Variants in CDC16 observed in about 807,000 individuals in gnomAD.
CDC16 encodes the protein cell division cycle protein 16 homolog.
A neutral mutation model predicts 87.0 loss-of-function variants in CDC16; 34 were observed. The ratio of observed to expected loss-of-function variants is 0.39; its 90% CI spans 0.30 to 0.52. CDC16 has a LOEUF of 0.52. Ranked by LOEUF, CDC16 falls within the 20% of genes least tolerant of loss-of-function variation. The probability of loss-of-function intolerance (pLI) is 0.74; values close to 1 mark genes in which losing one functional copy is unlikely to be tolerated. For synonymous variants in CDC16, 263 were observed against 260.6 expected, an observed-to-expected ratio of 1.01 and a Z score of -0.09; for missense variants, 653 against 751.9, an observed-to-expected ratio of 0.87 and a Z score of 1.54.
In CDC16 at chr13:114,272,404, CATG is replaced by C. The variant is rs1487614437; in HGVS notation, c.1828_1830del (p.Met610del). On this transcript the variant is annotated inframe_deletion, in exon 18 of 18. Coordinates refer to ENST00000356221, the MANE Select transcript of CDC16 (RefSeq NM_001078645.3). ...TTGAAATTGAAATGAATGAAAGTGA[CATG>C]ATGTTAGAGACATCTATGTCAGACC... 2 of 1,613,926 alleles carry C rather than the reference CATG, an allele frequency of 1.2e-6. No individual in the cohort carries two copies. Among genetic ancestry groups the C allele is most frequent in the South Asian group, 1.1e-5 (1 of 91,074 alleles).
rs1555352344 is a variant in CDC16, at chr13:114,234,974, G to GGGTGGC, written c.-109_-108insTGGCGG. 1.4e-5 allele frequency: 11 copies of GGGTGGC among 778,534 alleles called. No individual in the cohort carries two copies. The highest frequency in any genetic ancestry group is 1.1e-4 in the South Asian group (2 of 18,470). The allele number at this position is 778,534 out of a possible 1,614,324, so 48.2% of individuals were successfully genotyped here. A position where few individuals can be genotyped will look rare whatever the true frequency, so the allele number is the denominator to read the frequency against. ...TCGAGTCCGCGGCCTTCGAGTCCTG[G>GGGTGGC]GGCGGCGGCGGCGGCTGCAGGCACG... On this transcript the variant is annotated 5_prime_UTR_variant, in exon 1 of 18. Transcript: ENST00000356221.
intron 16 of CDC16, chr13:114,264,303 A>G (rs17291515): frequency 0.33 from 49,870 of 152,226 alleles, 10,397 homozygotes; most frequent in African/African-American, 0.6. Context: ...ATCCCAGCAC[A>G]TTGGGAGGCC....
chr13:114,237,859 A>G (rs1265111312), intron 3 of CDC16, among the ~76,000 whole-genome samples: 3 of 152,136 alleles, frequency 2.0e-5, no homozygotes, highest in African/African-American at 4.8e-5. Flanking sequence ...CTTGTGAACT[A>G]TTACAGGAGT....
chr13:114,262,040 C>G (rs1412286686), intron 15 of CDC16, 92 bp downstream of exon 15: 1 of 723,834 alleles, frequency 1.4e-6, no homozygotes, highest in Non-Finnish European at 2.3e-6. Context: ...TTCATGAGAT[C>G]AACCAGCTTT....
chr13:114,259,131 A>G (rs565230644), intron 13 of CDC16, among the ~76,000 whole-genome samples: 8 of 151,426 alleles, frequency 5.3e-5, no homozygotes, highest in Non-Finnish European at 7.4e-5. Context: ...TAAATACTGT[A>G]TCTCCCAAAA....
intron 5 of CDC16, among the ~76,000 whole-genome samples, chr13:114,240,166 C>T (rs1183324484): frequency 1.3e-5 from 2 of 152,002 alleles, no homozygotes; most frequent in Non-Finnish European, 2.9e-5. Flanking sequence ...AGAAAGAATC[C>T]CTGTAAGCCT....
chr13:114,246,445 C>T (rs1317693001), intron 10 of CDC16, among the ~76,000 whole-genome samples: 1 of 152,152 alleles, frequency 6.6e-6, no homozygotes, highest in Admixed American at 6.5e-5. Flanking sequence ...GTACTGATTC[C>T]AAACTGTCAT....
At position 114,235,167 on chromosome 13, in the gene CDC16, C is replaced by T. The variant is rs1312396813; in HGVS notation, c.48+35C>T. ...CCCGACTCGGGGTGCGGGGCCCAGG[C>T]CTCGCCGGGTCTTTTTCCGCGCGGC... On this transcript the variant is annotated intron_variant, in intron 1 of 17. Transcript: ENST00000356221. The T allele has an allele frequency of 3.3e-6, 4 of 1,229,002 alleles. No homozygotes were observed. The East Asian group carries it at 9.5e-5, about 29-fold the overall frequency. 76.1% of individuals were successfully genotyped at this position (1,229,002 alleles called of 1,614,324 possible).
Position 114,264,930 on chromosome 13 carries a change from C to A in CDC16, c.1513-220C>A, listed in dbSNP as rs1010098480. 5.3e-5 allele frequency: 24 copies of A among 450,288 alleles called. 1 individual carries two copies. The South Asian group carries it at 5.6e-4, about 11-fold the overall frequency. 27.9% of individuals were successfully genotyped at this position (450,288 alleles called of 1,614,324 possible). ...GTCGAGATAGAACTTTTTAAAAAAT[C>A]TTTTTTGGGGTAGATTTCCAGCATA... On this transcript the variant is annotated intron_variant, in intron 16 of 17. Coordinates refer to ENST00000356221, the MANE Select transcript of CDC16 (RefSeq NM_001078645.3).
intron 14 of CDC16, among the ~76,000 whole-genome samples, chr13:114,260,153 C>T (rs1016092851): frequency 4.6e-5 from 7 of 152,222 alleles, no homozygotes; most frequent in African/African-American, 1.7e-4. Flanking sequence ...GTTTTCTTCT[C>T]CCTTGGCTGT....
At chr13:114,267,225 C>T (rs920493958) in intron 17 of CDC16, among the ~76,000 whole-genome samples, 2 of 152,134 alleles carry the variant, frequency 1.3e-5, no homozygotes, top group East Asian at 1.9e-4. Flanking sequence ...TGGTGGCCCA[C>T]GCCTGTAATC....
chr13:114,251,349 A>T (rs1313068960), intron 12 of CDC16, among the ~76,000 whole-genome samples: 1 of 152,204 alleles, frequency 6.6e-6, no homozygotes, highest in Non-Finnish European at 1.5e-5. Flanking sequence ...GAGAAATAGG[A>T]ATAATAGCAA....
chr13:114,253,301 T>A (rs1241489857), intron 12 of CDC16, among the ~76,000 whole-genome samples: 2 of 152,236 alleles, frequency 1.3e-5, no homozygotes, highest in Non-Finnish European at 2.9e-5. Flanking sequence ...TTCCACATAT[T>A]TAAGAATTTC....
chr13:114,250,230 C>T (rs898374752), intron 11 of CDC16, among the ~76,000 whole-genome samples: 1 of 152,078 alleles, frequency 6.6e-6, no homozygotes, highest in African/African-American at 2.4e-5. Flanking sequence ...CAGTGGCTCA[C>T]GCCTGTAATC....
rs1227609624 is a variant in CDC16 at position 114,246,997 on chromosome 13, T to TA, written c.965dup (p.Tyr322Ter). ...VGHKNEHARR[Y>*]LSKATTLEKT... ...TCATAAAAATGAACATGCCAGAAGA[T>TA]ATCTCAGGTATGAATTTATTTTTTT... Residue 322 changes from tyrosine (Y) to a stop codon, truncating the protein, a stop_gained and frameshift_variant, in exon 11 of 18, where the codon TAT becomes TAAT. Coordinates refer to ENST00000356221, the MANE Select transcript of CDC16 (RefSeq NM_001078645.3). LOFTEE classifies it high-confidence loss of function. 6.2e-7 allele frequency: 1 copy of TA among 1,603,214 alleles called. No individual in the cohort carries two copies. The highest frequency in any genetic ancestry group is 1.7e-5 in the Admixed American group (1 of 60,000).
At position 114,245,465 on chromosome 13, in the gene CDC16, T is replaced by G. The variant is rs538624493; in HGVS notation, c.847+496T>G. Reference sequence around the variant, plus strand: ...TGAGCTCTGTCAGGAAGGAAAACCCTCACCGAATCCCTGCTGCTCAGAGTG... The same window carrying G: ...TGAGCTCTGTCAGGAAGGAAAACCCGCACCGAATCCCTGCTGCTCAGAGTG... On this transcript the variant is annotated intron_variant, in intron 9 of 17. Coordinates refer to ENST00000356221, the MANE Select transcript of CDC16 (RefSeq NM_001078645.3). Among the ~76,000 whole-genome samples the G allele has an allele frequency of 9.2e-5, 14 of 152,282 alleles. No homozygotes were observed. The East Asian group carries it at 2.7e-3, about 29-fold the overall frequency.
At chr13:114,238,815 T>C (rs758814037) in intron 3 of CDC16, among the ~76,000 whole-genome samples, 175 bp from the exon 4 acceptor site, 2 of 152,230 alleles carry the variant, frequency 1.3e-5, no homozygotes, top group Non-Finnish European at 2.9e-5. Context: ...CCTTGGTGCC[T>C]AGTAAACAGT....
chr13:114,271,891 T>C (rs12583365), intron 17 of CDC16, among the ~76,000 whole-genome samples: 1,786 of 152,356 alleles, frequency 0.012, 97 homozygotes, highest in Admixed American at 0.081. Flanking sequence ...GAGCTGCAAC[T>C]GCATGTGCTT....
chr13:114,247,217 G>C lies in CDC16; in HGVS notation c.971+213G>C, dbSNP rs2039091. 1.5e-5 allele frequency: 8 copies of C among 545,578 alleles called. No individual in the cohort carries two copies. The South Asian group carries it at 1.7e-4, about 12-fold the overall frequency. 33.8% of individuals were successfully genotyped at this position (545,578 alleles called of 1,614,324 possible). ...CTCTCTCGAGGGTTCTCACTCTGTT[G>C]CCCAGACTAGAGTGCAGTGGTGCAA... On this transcript the variant is annotated intron_variant, in intron 11 of 17. Transcript: ENST00000356221.
Sources: allele counts gnomAD v4.1 joint callset (sites outside exome capture counted in the v4.1 genomes callset), GRCh38; gene constraint gnomAD v4.1.1; transcripts MANE v1.5; gene names NCBI Gene and HGNC (gene_info 2026-07-23, HGNC 2026-07-21).